Variants in TIAM2 observed in about 807,000 individuals in gnomAD.
The protein encoded by TIAM2 is TIAM Rac1 associated GEF 2, also known as rho guanine nucleotide exchange factor TIAM2.
In TIAM2, 80 loss-of-function variants were observed where a neutral mutation model predicts 152.9. That is an observed-to-expected ratio of 0.52 (90% CI 0.44 to 0.63). TIAM2 has a LOEUF of 0.63. Ranked by LOEUF, TIAM2 falls within the 30% of genes least tolerant of loss-of-function variation. The pLI is 0.00. For synonymous variants in TIAM2, 804 were observed against 838.0 expected, an observed-to-expected ratio of 0.96 and a Z score of 0.70; for missense variants, 1,965 against 2,120.1, an observed-to-expected ratio of 0.93 and a Z score of 1.44.
At chr6:155,235,448 T>C (rs1331794045) in intron 15 of TIAM2, among the ~76,000 whole-genome samples, 1 of 152,176 alleles carries the variant, frequency 6.6e-6, no homozygotes, top group Non-Finnish European at 1.5e-5. Flanking sequence ...TGTGAAGATA[T>C]CCCAGCCCAG....
At chr6:155,131,545 A>C (rs1170777736) in intron 4 of TIAM2, among the ~76,000 whole-genome samples, 1 of 152,120 alleles carries the variant, frequency 6.6e-6, no homozygotes, top group Non-Finnish European at 1.5e-5. Context: ...ACATCAAAAA[A>C]AAAAGTTGAT....
chr6:155,251,577 G>A lies in TIAM2; in HGVS notation c.4061-368G>A, dbSNP rs146227279. Reference sequence around the variant, plus strand: ...GCTGGGATTACAGGCATTAGCCACCGTGCCTGGCCAGAAACCTGCTATCTT... The same window carrying A: ...GCTGGGATTACAGGCATTAGCCACCATGCCTGGCCAGAAACCTGCTATCTT... On this transcript the variant is annotated intron_variant, in intron 22 of 26. Transcript: ENST00000682666. Among the ~76,000 whole-genome samples the A allele has an allele frequency of 7.9e-5, 12 of 152,286 alleles. No individual in the cohort carries two copies. In the East Asian group the frequency reaches 2.1e-3, roughly 27 times the overall value.
Position 155,008,201 on chromosome 6 carries a change from AGAT to A in TIAM2, c.-209+12713_-209+12715del, listed in dbSNP as rs532047791. The stretch of plus-strand genomic sequence containing the variant: ...GTACATTTATATTTCTGTGTGTGAT[AGAT>A]GATAATATGACACACTTGAAAACTG... On this transcript the variant is annotated intron_variant, in intron 1 of 26. Transcript: ENST00000682666. 2.7e-3 allele frequency among the ~76,000 whole-genome samples: 412 copies of A among 152,350 alleles called. 1 individual carries two copies. The highest frequency in any genetic ancestry group is 9.3e-3 in the African/African-American group (385 of 41,594).
chr6:154,995,325 G>C lies in TIAM2; in HGVS notation c.-376G>C, dbSNP rs1583141479. ...GCGCGGGGCTGGGGCAGCGGTAACC[G>C]TAACTGTGGCCGCGGCCGCCGCAGG... On this transcript the variant is annotated 5_prime_UTR_variant, in exon 1 of 27. Transcript: ENST00000682666. The surrounding 1 kb of genome is among the most constrained non-coding windows in gnomAD (Gnocchi z 5.2). 1 of 151,182 alleles carries C rather than the reference G, an allele frequency of 6.6e-6. No homozygotes were observed. The highest frequency in any genetic ancestry group is 1.5e-5 in the Non-Finnish European group (1 of 67,636). The allele number at this position is 151,182 out of a possible 1,614,324, so 9.4% of individuals were successfully genotyped here.
At chr6:155,091,850 C>G (rs919697191) in intron 2 of TIAM2, among the ~76,000 whole-genome samples, 12 of 152,170 alleles carry the variant, frequency 7.9e-5, no homozygotes, top group Non-Finnish European at 1.6e-4. Flanking sequence ...TGCCTGAGTT[C>G]TTTGAATCCT....
At chr6:155,062,353 C>A (rs1777601480) in intron 1 of TIAM2, among the ~76,000 whole-genome samples, 1 of 151,762 alleles carries the variant, frequency 6.6e-6, no homozygotes, top group Admixed American at 6.6e-5. Flanking sequence ...GGGTAAATAC[C>A]TAGGAGTAGA....
chr6:155,094,546 CTTTTTTTT>C (rs10694318), intron 2 of TIAM2, among the ~76,000 whole-genome samples: 1 of 79,940 alleles, frequency 1.3e-5, no homozygotes, highest in Non-Finnish European at 2.2e-5. Context: ...TTCACTCAGA[CTTTTTTTT>C]TTTTTTTTTT....
At chr6:155,178,082 A>G (rs536485457) in intron 10 of TIAM2, among the ~76,000 whole-genome samples, 2 of 151,514 alleles carry the variant, frequency 1.3e-5, no homozygotes, top group Non-Finnish European at 2.9e-5. Flanking sequence ...AATGGCGTCA[A>G]CCTGGGAGGT....
At chr6:155,042,688 C>T (rs11752873) in intron 1 of TIAM2, among the ~76,000 whole-genome samples, 20,980 of 152,130 alleles carry the variant, frequency 0.14, 1,777 homozygotes, top group East Asian at 0.34. Flanking sequence ...TGGTGTACAA[C>T]GTACTGTTTA....
At chr6:155,169,890 C>T (rs1282275919) in intron 9 of TIAM2, among the ~76,000 whole-genome samples, 1 of 152,032 alleles carries the variant, frequency 6.6e-6, no homozygotes, top group East Asian at 1.9e-4. Context: ...GTGATCTCGG[C>T]TCACTGAAAC....
chr6:155,183,016 C>T (rs1228267951), intron 13 of TIAM2, among the ~76,000 whole-genome samples: 1 of 152,220 alleles, frequency 6.6e-6, no homozygotes, highest in East Asian at 1.9e-4. Flanking sequence ...CCAGGCTGGC[C>T]TCAAACTCCT....
chr6:155,131,042 C>T (rs968990051), intron 4 of TIAM2, among the ~76,000 whole-genome samples: 2 of 152,172 alleles, frequency 1.3e-5, no homozygotes, highest in Non-Finnish European at 2.9e-5. Flanking sequence ...TGCACTCTTC[C>T]ATGCACTCCA....
intron 1 of TIAM2, among the ~76,000 whole-genome samples, chr6:155,089,299 C>T (rs1172022059): frequency 6.6e-6 from 1 of 152,042 alleles, no homozygotes; most frequent in African/African-American, 2.4e-5. Context: ...CTCATTGCAA[C>T]CTCTGCCTCC....
rs56013145 is a variant in TIAM2 at position 155,059,294 on chromosome 6, C to CTGTGTGTGTG, written c.-208-30972_-208-30963dup. On this transcript the variant is annotated intron_variant, in intron 1 of 26. Coordinates refer to ENST00000682666, the MANE Select transcript of TIAM2 (RefSeq NM_012454.4). ...GGAATGTCCCTTTCTGTGTGTGTGT[C>CTGTGTGTGTG]TGTGTGTGTGTGTGTGTGTGTGTGT... 6.1e-3 allele frequency among the ~76,000 whole-genome samples: 717 copies of CTGTGTGTGTG among 117,288 alleles called. 3 individuals are homozygous for CTGTGTGTGTG. The highest frequency in any genetic ancestry group is 0.037 in the Middle Eastern group (9 of 242). The allele number at this position is 117,288 out of a possible 152,430, so 76.9% of individuals were successfully genotyped here. A position where few individuals can be genotyped will look rare whatever the true frequency, so the allele number is the denominator to read the frequency against.
intron 1 of TIAM2, among the ~76,000 whole-genome samples, chr6:155,073,473 A>G (rs1212921693): frequency 6.6e-6 from 1 of 152,132 alleles, no homozygotes; most frequent in Admixed American, 6.5e-5. Context: ...AGATTCACTG[A>G]GTACTTTTAT....
At chr6:155,251,834 T>TA in intron 22 of TIAM2, 111 bp from the exon 23 acceptor site, 1 of 820,318 alleles carries the variant, frequency 1.2e-6, no homozygotes, top group South Asian at 1.6e-5. Flanking sequence ...AGTGAGGTCT[T>TA]AGAGACTCAT....
intron 23 of TIAM2, among the ~76,000 whole-genome samples, 166 bp downstream of exon 23, chr6:155,252,169 A>AT (rs2115355263): frequency 6.6e-6 from 1 of 152,306 alleles, no homozygotes; most frequent in Admixed American, 6.5e-5. Flanking sequence ...GAGTCTCCCC[A>AT]TGAAAGATGT....
intron 15 of TIAM2, among the ~76,000 whole-genome samples, chr6:155,227,286 C>T (rs1219188378): frequency 1.3e-5 from 2 of 152,226 alleles, no homozygotes; most frequent in Non-Finnish European, 2.9e-5. Context: ...GCTTTGTAAA[C>T]TGCAGGGGTG....
At chr6:155,179,561 A>G in intron 12 of TIAM2, 105 bp downstream of exon 12, 1 of 1,009,870 alleles carries the variant, frequency 9.9e-7, no homozygotes, top group South Asian at 1.7e-5. Context: ...TCACATTTTC[A>G]GAATATATGA....
Sources: allele counts gnomAD v4.1 joint callset (sites outside exome capture counted in the v4.1 genomes callset), GRCh38; gene constraint gnomAD v4.1.1; non-coding constraint Gnocchi (gnomAD v3.1); transcripts MANE v1.5; gene names NCBI Gene and HGNC (gene_info 2026-07-23, HGNC 2026-07-21).